Variants in GALK2 observed in about 807,000 individuals in gnomAD.
GALK2 encodes N-acetylgalactosamine kinase.
Under a neutral mutation model 52.4 loss-of-function variants are expected in GALK2, and 36 were observed. That is an observed-to-expected ratio of 0.69 (90% CI 0.53 to 0.91). GALK2 has a LOEUF of 0.91. Ranked by LOEUF, GALK2 falls within the 40% of genes least tolerant of loss-of-function variation. GALK2 has a pLI of 0.00. For synonymous variants in GALK2, 176 were observed against 199.1 expected, an observed-to-expected ratio of 0.88 and a Z score of 0.98; for missense variants, 579 against 559.1, an observed-to-expected ratio of 1.04 and a Z score of -0.36.
At chr15:49,274,397 AAG>A (rs2031293383) in intron 5 of GALK2, among the ~76,000 whole-genome samples, 1 of 152,214 alleles carries the variant, frequency 6.6e-6, no homozygotes, top group Admixed American at 6.5e-5. Context: ...TATGGTTTAA[AAG>A]AAAAAATCAT....
chr15:49,166,024 G>C (rs1242453030), upstream of GALK2, among the ~76,000 whole-genome samples: 2 of 151,868 alleles, frequency 1.3e-5, no homozygotes, highest in East Asian at 1.9e-4. Context: ...GGATGGTCTC[G>C]ATCTCCCGAC....
At chr15:49,364,349 T>C (rs754666036) in intron 3 of GALK2, among the ~76,000 whole-genome samples, 3 of 152,186 alleles carry the variant, frequency 2.0e-5, no homozygotes, top group Non-Finnish European at 2.9e-5. Flanking sequence ...TAGTAGGTTG[T>C]ATGTTCCAGG....
intron 7 of GALK2, among the ~76,000 whole-genome samples, chr15:49,288,542 T>C (rs1420472348): frequency 1.9e-4 from 29 of 152,190 alleles, no homozygotes. Context: ...TTTGGCAGTT[T>C]CCTTGAATTT....
chr15:49,171,148 T>A lies in GALK2; in HGVS notation c.53+773T>A, dbSNP rs369685524. ...CCCAGGCTGGAGTGCAGTGGCGCCA[T>A]CTTGGCTCACCGCAACCTCCGCCTC... On this transcript the variant is annotated intron_variant, in intron 1 of 9. Coordinates refer to ENST00000560031, the MANE Select transcript of GALK2 (RefSeq NM_002044.4). 8.7e-5 allele frequency among the ~76,000 whole-genome samples: 13 copies of A among 148,816 alleles called. No individual in the cohort carries two copies. The East Asian group carries it at 2.5e-3, about 28-fold the overall frequency.
intron 3 of GALK2, among the ~76,000 whole-genome samples, chr15:49,352,410 T>A (rs1212581656): frequency 6.6e-6 from 1 of 152,204 alleles, no homozygotes; most frequent in African/African-American, 2.4e-5. Context: ...TTGAAAAATA[T>A]AATCTGCCAT....
chr15:49,199,660 T>G (rs2087560200), intron 1 of GALK2, among the ~76,000 whole-genome samples: 1 of 152,176 alleles, frequency 6.6e-6, no homozygotes, highest in South Asian at 2.1e-4. Flanking sequence ...TTATATCTTT[T>G]GAGAATTTGA....
At chr15:49,159,165 C>T (rs1023290345) in intron 1 of GALK2, among the ~76,000 whole-genome samples, 2 of 152,138 alleles carry the variant, frequency 1.3e-5, no homozygotes, top group Non-Finnish European at 2.9e-5. Flanking sequence ...AATAATCCCT[C>T]GTTGAATGTA....
chr15:49,357,704 T>C (rs959980297), intron 3 of GALK2, among the ~76,000 whole-genome samples: 12 of 151,594 alleles, frequency 7.9e-5, no homozygotes, highest in South Asian at 6.3e-4. Context: ...TTCCAATCAA[T>C]AGAAAAAGAG....
chr15:49,273,335 C>T (rs1357132642), intron 5 of GALK2, among the ~76,000 whole-genome samples: 2 of 151,978 alleles, frequency 1.3e-5, no homozygotes, highest in Non-Finnish European at 1.5e-5. Flanking sequence ...ATTTAAACTC[C>T]TTCCTTTCTT....
intron 7 of GALK2, among the ~76,000 whole-genome samples, chr15:49,287,253 C>T (rs1567023247): frequency 6.6e-6 from 1 of 152,132 alleles, no homozygotes; most frequent in Admixed American, 6.5e-5. Flanking sequence ...GCTACACACT[C>T]CTCCCAATTG....
At chr15:49,323,901 AAACAAAGT>A (rs1312871590) in intron 9 of GALK2, among the ~76,000 whole-genome samples, 7 of 152,372 alleles carry the variant, frequency 4.6e-5, no homozygotes, top group African/African-American at 1.7e-4. Context: ...AAATTATATG[AAACAAAGT>A]AAATAATGAA....
intron 5 of GALK2, among the ~76,000 whole-genome samples, chr15:49,248,916 A>C (rs899060396): frequency 6.6e-6 from 1 of 152,166 alleles, no homozygotes; most frequent in Non-Finnish European, 1.5e-5. Flanking sequence ...TTTCAAATGA[A>C]ACCACTGTTG....
chr15:49,299,736 TTTCTTTCTTTC>T (rs2034843155), intron 8 of GALK2, among the ~76,000 whole-genome samples: 1 of 38,594 alleles, frequency 2.6e-5, no homozygotes, highest in Admixed American at 1.9e-4. Flanking sequence ...CTTTCTTTCT[TTTCTTTCTTTC>T]TTTCTTTCTT....
intron 3 of GALK2, among the ~76,000 whole-genome samples, chr15:49,352,095 G>T (rs1245797161): frequency 2.0e-5 from 3 of 152,130 alleles, no homozygotes; most frequent in Non-Finnish European, 2.9e-5. Flanking sequence ...GATACTTGCT[G>T]TGGCTCATCC....
At chr15:49,211,242 G>C (rs751099166) in intron 2 of GALK2, among the ~76,000 whole-genome samples, 1 of 152,150 alleles carries the variant, frequency 6.6e-6, no homozygotes, top group South Asian at 2.1e-4. Flanking sequence ...GGGGCACAAT[G>C]CCTCCAGACT....
At chr15:49,235,402 A>G (rs1025945853) in intron 3 of GALK2, among the ~76,000 whole-genome samples, 1 of 152,168 alleles carries the variant, frequency 6.6e-6, no homozygotes, top group African/African-American at 2.4e-5. Flanking sequence ...CATCAAAATC[A>G]TCATTTTGTT....
intron 5 of GALK2, among the ~76,000 whole-genome samples, chr15:49,263,036 G>A (rs368488392): frequency 7.1e-6 from 1 of 141,200 alleles, no homozygotes; most frequent in African/African-American, 2.8e-5. Flanking sequence ...TGAAAAAAAT[G>A]TATATTCTGT....
intron 1 of GALK2, 74 bp from the exon 2 acceptor site, chr15:49,201,080 GTGTGTGTA>G (rs964937964): frequency 7.4e-6 from 5 of 680,054 alleles, no homozygotes; most frequent in African/African-American, 3.5e-5. Flanking sequence ...GTGTGTGTGT[GTGTGTGTA>G]TGTATGTGTG....
chr15:49,262,952 G>A (rs2092193935), intron 5 of GALK2, among the ~76,000 whole-genome samples: 1 of 144,622 alleles, frequency 6.9e-6, no homozygotes, highest in South Asian at 2.3e-4. Context: ...TATAATTTCT[G>A]TTCTTTTACA....
Sources: gnomAD v4.1 joint callset for allele counts (sites outside exome capture counted in the v4.1 genomes callset) on GRCh38, gnomAD v4.1.1 for gene constraint, MANE v1.5 for transcripts, NCBI Gene and HGNC (gene_info 2026-07-23, HGNC 2026-07-21) for gene names.